MAD2L1: variants seen among roughly 807,000 people sequenced by gnomAD.
MAD2L1 encodes the protein mitotic arrest deficient 2 like 1.
MAD2L1 carries 10 observed loss-of-function variants against 25.9 expected under a neutral mutation model. The ratio of observed to expected loss-of-function variants is 0.39; its 90% CI spans 0.24 to 0.66. The LOEUF (loss-of-function observed/expected upper bound fraction) is 0.66. MAD2L1 is among the 30% of genes least tolerant of loss of function. MAD2L1 has a pLI of 0.49. For synonymous variants in MAD2L1, 81 were observed against 91.8 expected (o/e 0.88, Z 0.67); for missense variants, 180 against 246.4 (o/e 0.73, Z 1.80).
At chr4:120,060,355 C>G (rs1726192514) in intron 4 of MAD2L1, 65 bp from the exon 5 acceptor site, 5 of 1,345,410 alleles carry the variant, frequency 3.7e-6, no homozygotes, top group African/African-American at 2.9e-5. Flanking sequence ...CTTGCTGCCT[C>G]TCTTCTATTT....
In MAD2L1 at chr4:120,066,641, T is replaced by C. The variant is rs201606807; in HGVS notation, c.73+21A>G. On this transcript the variant is annotated intron_variant, in intron 1 of 4. Transcript: ENST00000296509. ...TCACGACTCCGTTCCCCCCGATATA[T>C]TGGCCTGCGCGAGAACTTACAGAAG... is the stretch of plus-strand genomic sequence containing the variant. The C allele has an allele frequency of 1.0e-5, 16 of 1,593,408 alleles. No individual in the cohort carries two copies. In the Admixed American group the frequency reaches 1.2e-4, roughly 12 times the overall value.
chr4:120,056,600 A>G lies in MAD2L1; in HGVS notation c.*3518T>C, dbSNP rs186120786. The G allele has an allele frequency of 2.6e-5, 4 of 152,348 alleles. No homozygotes were observed. The East Asian group carries it at 5.8e-4, about 22-fold the overall frequency. The allele number at this position is 152,348 out of a possible 1,614,324, so 9.4% of individuals were successfully genotyped here. ...TTGTGCTAATAATCTTTGAATCTAT[A>G]TGCTAAAATATATAGGAAGTCAGTA... On this transcript the variant is annotated 3_prime_UTR_variant, in exon 5 of 5. Coordinates refer to ENST00000296509, the MANE Select transcript of MAD2L1 (RefSeq NM_002358.4).
chr4:120,062,161 G>A (rs1726231507), intron 2 of MAD2L1, 66 bp from the exon 3 acceptor site: 1 of 1,488,638 alleles, frequency 6.7e-7, no homozygotes, highest in South Asian at 1.3e-5. Context: ...TCTCTTCTCG[G>A]GTCCCACTCC....
chr4:120,063,335 A>G (rs1472138584), intron 2 of MAD2L1, among the ~76,000 whole-genome samples: 1 of 152,224 alleles, frequency 6.6e-6, no homozygotes, highest in Non-Finnish European at 1.5e-5. Context: ...TTGAAACAGC[A>G]TATTCAGGAG....
chr4:120,065,604 C>T (rs1056230575), intron 2 of MAD2L1, 68 bp downstream of exon 2: 7 of 1,445,690 alleles, frequency 4.8e-6, no homozygotes, highest in Middle Eastern at 2.3e-4. Flanking sequence ...ATGTGCAGAG[C>T]GGAAAAATGA....
rs146498078 is a variant in MAD2L1 at position 120,056,667 on chromosome 4, G to A, written c.*3451C>T. On this transcript the variant is annotated 3_prime_UTR_variant, in exon 5 of 5. Transcript: ENST00000296509. ...AATAAAAACATTTTTCAGCATGCATGTCTATATAGTGAAAAAATGATTAAA... is the reference window on the plus strand; with the variant it reads ...AATAAAAACATTTTTCAGCATGCATATCTATATAGTGAAAAAATGATTAAA... 159 of 152,218 alleles carry A rather than the reference G, an allele frequency of 1.0e-3. No homozygotes were observed. Among genetic ancestry groups the A allele is most frequent in the African/African-American group, 3.7e-3 (155 of 41,532 alleles). The allele number at this position is 152,218 out of a possible 1,614,324, so 9.4% of individuals were successfully genotyped here.
chr4:120,059,946 A>G lies in MAD2L1; in HGVS notation c.*172T>C. On this transcript the variant is annotated 3_prime_UTR_variant, in exon 5 of 5. Transcript: ENST00000296509. ...ATGATGTTAACTCCATGGTAAGTCAAATAGGTACCAAAAAAATAAAAGGAA... is the reference window on the plus strand; with the variant it reads ...ATGATGTTAACTCCATGGTAAGTCAGATAGGTACCAAAAAAATAAAAGGAA... 2 of 512,956 alleles carry G rather than the reference A, an allele frequency of 3.9e-6. No homozygotes were observed. Among genetic ancestry groups the G allele is most frequent in the Non-Finnish European group, 6.7e-6 (2 of 296,494 alleles). 31.8% of individuals were successfully genotyped at this position (512,956 alleles called of 1,614,324 possible).
Position 120,059,994 on chromosome 4 carries a change from T to C in MAD2L1, c.*124A>G, listed in dbSNP as rs1726183114. 1.3e-6 allele frequency: 1 copy of C among 760,302 alleles called. No homozygotes were observed. Among genetic ancestry groups the C allele is most frequent in the Non-Finnish European group, 2.1e-6 (1 of 470,910 alleles). The allele number at this position is 760,302 out of a possible 1,614,324, so 47.1% of individuals were successfully genotyped here. A position where few individuals can be genotyped will look rare whatever the true frequency, so the allele number is the denominator to read the frequency against. On this transcript the variant is annotated 3_prime_UTR_variant, in exon 5 of 5. Transcript: ENST00000296509. ...GAACAATTACACACAGTTCAGTAAGTATCATTTTGGTTTTCTCCATGTAAA... is the reference window on the plus strand; with the variant it reads ...GAACAATTACACACAGTTCAGTAAGCATCATTTTGGTTTTCTCCATGTAAA...
rs1726131253 is a variant in MAD2L1 at position 120,057,570 on chromosome 4, G to C, written c.*2548C>G. 6.6e-6 allele frequency: 1 copy of C among 152,250 alleles called. No individual in the cohort carries two copies. The highest frequency in any genetic ancestry group is 1.5e-5 in the Non-Finnish European group (1 of 68,110). The allele number at this position is 152,250 out of a possible 1,614,324, so 9.4% of individuals were successfully genotyped here. A position where few individuals can be genotyped will look rare whatever the true frequency, so the allele number is the denominator to read the frequency against. On this transcript the variant is annotated 3_prime_UTR_variant, in exon 5 of 5. Coordinates refer to ENST00000296509, the MANE Select transcript of MAD2L1 (RefSeq NM_002358.4). ...CTGGGCTCTACTTCAGACCTTGATG[G>C]GCTTAACCTCTGTTCATCCTCTACA...
Position 120,056,206 on chromosome 4 carries a change from C to T in MAD2L1, c.*3912G>A, listed in dbSNP as rs1354058719. ...GACCACTAAACTTCAAAAACCACGA[C>T]ACAATTTGCATGCCCATTGACCCCC... On this transcript the variant is annotated 3_prime_UTR_variant, in exon 5 of 5. Coordinates refer to ENST00000296509, the MANE Select transcript of MAD2L1 (RefSeq NM_002358.4). The T allele has an allele frequency of 6.6e-6, 1 of 152,172 alleles. No homozygotes were observed. Among genetic ancestry groups the T allele is most frequent in the Non-Finnish European group, 1.5e-5 (1 of 68,028 alleles). 9.4% of individuals were successfully genotyped at this position (152,172 alleles called of 1,614,324 possible). A position where few individuals can be genotyped will look rare whatever the true frequency, so the allele number is the denominator to read the frequency against.
At chr4:120,064,883 TA>T (rs36044461) in intron 2 of MAD2L1, among the ~76,000 whole-genome samples, 160 of 147,850 alleles carry the variant, frequency 1.1e-3, no homozygotes, top group Middle Eastern at 6.9e-3. Flanking sequence ...ATTTCTAAAT[TA>T]AAAAAAAAAG....
Position 120,059,985 on chromosome 4 carries a change from T to C in MAD2L1, c.*133A>G. 3 of 713,374 alleles carry C rather than the reference T, an allele frequency of 4.2e-6. No homozygotes were observed. Among genetic ancestry groups the C allele is most frequent in the Non-Finnish European group, 6.9e-6 (3 of 433,682 alleles). The allele number at this position is 713,374 out of a possible 1,614,324, so 44.2% of individuals were successfully genotyped here. ...AAATAAAAGGAACAATTACACACAG[T>C]TCAGTAAGTATCATTTTGGTTTTCT... On this transcript the variant is annotated 3_prime_UTR_variant, in exon 5 of 5. Coordinates refer to ENST00000296509, the MANE Select transcript of MAD2L1 (RefSeq NM_002358.4).
chr4:120,065,893 T>C, intron 1 of MAD2L1, 75 bp from the exon 2 acceptor site: 1 of 1,474,578 alleles, frequency 6.8e-7, no homozygotes, highest in East Asian at 2.3e-5. Context: ...ATTTAGATGT[T>C]GCTATATTTT....
intron 4 of MAD2L1, among the ~76,000 whole-genome samples, 180 bp downstream of exon 4, chr4:120,060,694 T>C (rs1726198176): frequency 1.3e-5 from 2 of 152,292 alleles, no homozygotes; most frequent in East Asian, 1.9e-4. Context: ...GTATTCACTG[T>C]GGGTCTCCCT....
Position 120,065,766 on chromosome 4 carries a change from G to A in MAD2L1, c.126C>T (p.Thr42=), listed in dbSNP as rs368678145. The A allele has an allele frequency of 1.9e-6, 3 of 1,613,938 alleles. No individual in the cohort carries two copies. Among genetic ancestry groups the A allele is most frequent in the Admixed American group, 1.7e-5 (1 of 60,026 alleles). The change falls in exon 2 of 5, where the codon ACC becomes ACT. Residue 42 remains threonine (T), a synonymous_variant. Coordinates refer to ENST00000296509, the MANE Select transcript of MAD2L1 (RefSeq NM_002358.4). Reference sequence around the variant, plus strand: ...GTCCGTATTTCTGCACTCGAGTAAAGGTTTCAGATGGATATATGCCACGCT... The same window carrying A: ...GTCCGTATTTCTGCACTCGAGTAAAAGTTTCAGATGGATATATGCCACGCT... The part of the protein sequence containing the change: ...LYQRGIYPSE[T]FTRVQKYGLT...
intron 1 of MAD2L1, 97 bp downstream of exon 1, chr4:120,066,565 C>G (rs992510556): frequency 7.1e-6 from 8 of 1,128,736 alleles, no homozygotes; most frequent in Non-Finnish European, 1.0e-5. Context: ...GCCGCCTCTC[C>G]CCAGATTACT....
chr4:120,062,514 T>C (rs1227855295), intron 2 of MAD2L1, among the ~76,000 whole-genome samples: 1 of 152,098 alleles, frequency 6.6e-6, no homozygotes, highest in Non-Finnish European at 1.5e-5. Flanking sequence ...GCTCTAGGGA[T>C]AAACAGCATT....
intron 2 of MAD2L1, 68 bp downstream of exon 2, chr4:120,065,604 C>A: frequency 1.4e-6 from 2 of 1,445,692 alleles, no homozygotes; most frequent in Non-Finnish European, 1.9e-6. Context: ...ATGTGCAGAG[C>A]GGAAAAATGA....
rs1446694719 is a variant in MAD2L1, at chr4:120,056,459, AAG to A, written c.*3657_*3658del. The A allele has an allele frequency of 2.0e-5, 3 of 152,204 alleles. No individual in the cohort carries two copies. The highest frequency in any genetic ancestry group is 4.8e-5 in the African/African-American group (2 of 41,448). 9.4% of individuals were successfully genotyped at this position (152,204 alleles called of 1,614,324 possible). On this transcript the variant is annotated 3_prime_UTR_variant, in exon 5 of 5. Coordinates refer to ENST00000296509, the MANE Select transcript of MAD2L1 (RefSeq NM_002358.4). ...ATTAGTGACATCTGGTGGAAAATATAAGAGTTACAAAGTAGCATTACATAGCT... is the reference window on the plus strand; with the variant it reads ...ATTAGTGACATCTGGTGGAAAATATAAGTTACAAAGTAGCATTACATAGCT...
Sources: gnomAD v4.1 joint callset for allele counts (sites outside exome capture counted in the v4.1 genomes callset) on GRCh38, gnomAD v4.1.1 for gene constraint, MANE v1.5 for transcripts, NCBI Gene and HGNC (gene_info 2026-07-23, HGNC 2026-07-21) for gene names.